Variants in AFF3 observed in about 807,000 individuals in gnomAD.
The protein encoded by AFF3 is AF4/FMR2 family member 3.
In AFF3, 32 loss-of-function variants were observed where a neutral mutation model predicts 129.7. The observed-to-expected ratio is 0.25, with a 90% CI of 0.19 to 0.33. The LOEUF (loss-of-function observed/expected upper bound fraction) is 0.33. AFF3 is among the 10% of genes least tolerant of loss of function. The pLI, the probability that AFF3 is intolerant of heterozygous loss-of-function variation, is 1.00. For missense variants in AFF3, 1,373 were observed against 1,592.0 expected, an observed-to-expected ratio of 0.86 and a Z score of 2.34; for synonymous variants, 644 against 635.4, an observed-to-expected ratio of 1.01 and a Z score of -0.20.
At chr2:99,639,726 C>T (rs1684007047) in intron 13 of AFF3, among the ~76,000 whole-genome samples, 3 of 150,728 alleles carry the variant, frequency 2.0e-5, no homozygotes, top group Admixed American at 6.6e-5. Context: ...CTCACTCTCA[C>T]CCAGGTTGGA....
chr2:99,666,601 G>GA (rs1475191719), intron 12 of AFF3, among the ~76,000 whole-genome samples: 4 of 152,086 alleles, frequency 2.6e-5, no homozygotes, highest in Non-Finnish European at 5.9e-5. Flanking sequence ...TTAAAACACA[G>GA]AAATTGGCAA....
chr2:99,641,782 C>T lies in AFF3; in HGVS notation c.1184+7844G>A, dbSNP rs548261821. On this transcript the variant is annotated intron_variant, in intron 13 of 24. Coordinates refer to ENST00000672756, the MANE Select transcript of AFF3 (RefSeq NM_001386135.1). Reference sequence around the variant, plus strand: ...ATTCTTCCTTCCTCACCAAGAGAGTCGTCGCGAGGACTAAATGAAGTAAGG... The same window carrying T: ...ATTCTTCCTTCCTCACCAAGAGAGTTGTCGCGAGGACTAAATGAAGTAAGG... Among the ~76,000 whole-genome samples the T allele has an allele frequency of 4.6e-5, 7 of 152,262 alleles. No homozygotes were observed. In the East Asian group the frequency reaches 1.2e-3, roughly 25 times the overall value.
chr2:100,086,230 T>C (rs1343351736), intron 4 of AFF3, among the ~76,000 whole-genome samples: 9 of 152,246 alleles, frequency 5.9e-5, no homozygotes, highest in Non-Finnish European at 1.3e-4. Flanking sequence ...GTCATAAGAA[T>C]TCCCATATCT....
intron 17 of AFF3, among the ~76,000 whole-genome samples, chr2:99,582,539 C>A (rs1677670691): frequency 6.6e-6 from 1 of 152,184 alleles, no homozygotes; most frequent in South Asian, 2.1e-4. Flanking sequence ...ACTTTGAGGT[C>A]TTTTCTTTTC....
At chr2:99,666,821 A>G (rs1000400302) in intron 12 of AFF3, among the ~76,000 whole-genome samples, 7 of 152,222 alleles carry the variant, frequency 4.6e-5, no homozygotes, top group South Asian at 2.1e-4. Flanking sequence ...GGGACATTAC[A>G]TAATGATAGA....
intron 9 of AFF3, among the ~76,000 whole-genome samples, chr2:99,746,425 G>A (rs1040825597): frequency 1.3e-5 from 2 of 152,176 alleles, no homozygotes; most frequent in Non-Finnish European, 2.9e-5. Flanking sequence ...AGTATAAAAT[G>A]AGCCAGTCGG....
At chr2:99,589,694 C>T (rs892028358) in intron 15 of AFF3, among the ~76,000 whole-genome samples, 34 of 152,152 alleles carry the variant, frequency 2.2e-4, no homozygotes, top group South Asian at 1.7e-3. Context: ...CCACCACGGC[C>T]GGCCCAGATG....
chr2:100,099,174 C>T (rs1217195470), intron 4 of AFF3, among the ~76,000 whole-genome samples: 40 of 148,782 alleles, frequency 2.7e-4, no homozygotes, highest in Admixed American at 1.1e-3. Flanking sequence ...TTTCTTTGTA[C>T]TCTGTTTTGA....
chr2:99,894,213 G>GAA (rs1295431230), intron 7 of AFF3, among the ~76,000 whole-genome samples: 16 of 132,694 alleles, frequency 1.2e-4, no homozygotes, highest in Admixed American at 4.5e-4. Context: ...GCCTTTTTTT[G>GAA]AAAAAAAAAA....
Position 99,549,853 on chromosome 2 carries a change from A to G in AFF3, c.*1621T>C. ...TAACACTGCAAACCAACCTGTAAGAATATCAGTGAATGTTTATGGATCAGC... is the reference window on the plus strand; with the variant it reads ...TAACACTGCAAACCAACCTGTAAGAGTATCAGTGAATGTTTATGGATCAGC... On this transcript the variant is annotated 3_prime_UTR_variant, in exon 25 of 25. Transcript: ENST00000672756. 2 of 224,684 alleles carry G rather than the reference A, an allele frequency of 8.9e-6. No homozygotes were observed. Among genetic ancestry groups the G allele is most frequent in the Non-Finnish European group, 1.8e-5 (2 of 112,716 alleles). 13.9% of individuals were successfully genotyped at this position (224,684 alleles called of 1,614,324 possible). A position where few individuals can be genotyped will look rare whatever the true frequency, so the allele number is the denominator to read the frequency against.
intron 7 of AFF3, among the ~76,000 whole-genome samples, chr2:99,870,087 C>A (rs138556604): frequency 6.6e-6 from 1 of 152,174 alleles, no homozygotes; most frequent in Non-Finnish European, 1.5e-5. Flanking sequence ...CAGTCTCTTA[C>A]CTCAACACCA....
chr2:99,949,231 T>C (rs1037964571), intron 7 of AFF3, among the ~76,000 whole-genome samples: 2 of 152,332 alleles, frequency 1.3e-5, no homozygotes, highest in African/African-American at 4.8e-5. Flanking sequence ...ACTTAACACA[T>C]CCATTTAGGA....
chr2:100,124,748 G>A (rs1282825333), intron 2 of AFF3, among the ~76,000 whole-genome samples: 3 of 152,134 alleles, frequency 2.0e-5, no homozygotes, highest in Non-Finnish European at 2.9e-5. Flanking sequence ...GGCAACTAAT[G>A]CAAGAAAACA....
chr2:99,730,442 G>A (rs1457276463), intron 10 of AFF3, among the ~76,000 whole-genome samples: 1 of 151,320 alleles, frequency 6.6e-6, no homozygotes, highest in Non-Finnish European at 1.5e-5. Context: ...GACTAAATAT[G>A]TTTTTTGAAA....
At chr2:99,609,380 C>T (rs1163550613) in intron 13 of AFF3, among the ~76,000 whole-genome samples, 3 of 152,040 alleles carry the variant, frequency 2.0e-5, no homozygotes, top group Non-Finnish European at 4.4e-5. Flanking sequence ...TCCCTCACTC[C>T]CCTCCCACCT....
At chr2:100,021,361 T>A (rs1683583282) in intron 4 of AFF3, among the ~76,000 whole-genome samples, 1 of 152,108 alleles carries the variant, frequency 6.6e-6, no homozygotes, top group South Asian at 2.1e-4. Context: ...TGGCACAGAG[T>A]GGGCACTGAA....
chr2:99,848,125 C>T (rs1330688384), intron 7 of AFF3, among the ~76,000 whole-genome samples: 3 of 151,840 alleles, frequency 2.0e-5, no homozygotes, highest in South Asian at 2.1e-4. Context: ...TGGTGTGTGC[C>T]GGTAATCCCA....
At chr2:100,000,058 T>C (rs565564265) in intron 7 of AFF3, among the ~76,000 whole-genome samples, 19 of 152,356 alleles carry the variant, frequency 1.2e-4, no homozygotes, top group African/African-American at 3.4e-4. Flanking sequence ...CATTTTCATC[T>C]ACTGTAAATG....
intron 7 of AFF3, among the ~76,000 whole-genome samples, chr2:99,911,811 T>C (rs1695129885): frequency 6.6e-6 from 1 of 152,016 alleles, no homozygotes; most frequent in African/African-American, 2.4e-5. Context: ...GAACTCTGTG[T>C]TGTTATGCCA....
Sources: gnomAD v4.1 joint callset for allele counts (sites outside exome capture counted in the v4.1 genomes callset) on GRCh38, gnomAD v4.1.1 for gene constraint, MANE v1.5 for transcripts, NCBI Gene and HGNC (gene_info 2026-07-23, HGNC 2026-07-21) for gene names.